Variants in ADGRB3 observed in about 807,000 individuals in gnomAD.
ADGRB3 encodes adhesion G protein-coupled receptor B3.
ADGRB3 carries 37 observed loss-of-function variants against 193.4 expected under a neutral mutation model. The observed-to-expected ratio is 0.19, with a 90% CI of 0.15 to 0.25. The LOEUF is 0.25. Ranked by LOEUF, ADGRB3 falls within the 10% of genes least tolerant of loss-of-function variation. The pLI is 1.00. For missense variants in ADGRB3, 1,637 were observed against 1,852.9 expected (o/e 0.88, Z 2.14); for synonymous variants, 690 against 644.2 (o/e 1.07, Z -1.08).
chr6:69,300,907 C>T (rs1767937467), intron 20 of ADGRB3, among the ~76,000 whole-genome samples: 1 of 151,844 alleles, frequency 6.6e-6, no homozygotes, highest in East Asian at 1.9e-4. Flanking sequence ...TTGAGAAGGA[C>T]ATTCTTGGTT....
At chr6:69,078,430 T>C (rs1562149645) in intron 17 of ADGRB3, among the ~76,000 whole-genome samples, 1 of 152,018 alleles carries the variant, frequency 6.6e-6, no homozygotes, top group African/African-American at 2.4e-5. Context: ...CGTGTATTCA[T>C]TCATAGACAT....
chr6:68,968,097 G>A (rs1460149071), intron 8 of ADGRB3, among the ~76,000 whole-genome samples: 1 of 146,984 alleles, frequency 6.8e-6, no homozygotes, highest in Non-Finnish European at 1.5e-5. Context: ...AAGAGAGGAC[G>A]TTTTATTTTT....
Position 68,635,721 on chromosome 6 carries a change from G to A in ADGRB3, c.-467G>A. On this transcript the variant is annotated 5_prime_UTR_variant, in exon 1 of 32. Coordinates refer to ENST00000370598, the MANE Select transcript of ADGRB3 (RefSeq NM_001704.3). ...CTTCTCCCTCCCTTTAGCCCCCCTC[G>A]GTTTGGAGGTTGGATTCAGTTGGAT... 1 of 152,276 alleles carries A rather than the reference G, an allele frequency of 6.6e-6. No homozygotes were observed. The highest frequency in any genetic ancestry group is 1.5e-5 in the Non-Finnish European group (1 of 68,164). The allele number at this position is 152,276 out of a possible 1,614,324, so 9.4% of individuals were successfully genotyped here.
chr6:68,773,793 AACTTGGGC>A (rs1315365350), intron 3 of ADGRB3, among the ~76,000 whole-genome samples: 1 of 152,132 alleles, frequency 6.6e-6, no homozygotes, highest in Non-Finnish European at 1.5e-5. Flanking sequence ...CTGGAAATAA[AACTTGGGC>A]TCATTACGGT....
chr6:69,322,188 C>CT (rs1168436938), intron 20 of ADGRB3, among the ~76,000 whole-genome samples: 2 of 151,976 alleles, frequency 1.3e-5, no homozygotes, highest in East Asian at 1.9e-4. Flanking sequence ...TGATCTCATT[C>CT]TTTTTTATGG....
At chr6:68,743,075 G>A (rs1369715109) in intron 3 of ADGRB3, among the ~76,000 whole-genome samples, 5 of 151,922 alleles carry the variant, frequency 3.3e-5, no homozygotes, top group Non-Finnish European at 7.4e-5. Context: ...AGCTCTTTCA[G>A]TCTATAGAAT....
chr6:68,688,943 G>A (rs540755011), intron 3 of ADGRB3, among the ~76,000 whole-genome samples: 60 of 152,182 alleles, frequency 3.9e-4, no homozygotes, highest in Non-Finnish European at 7.5e-4. Flanking sequence ...TACTCTGTCA[G>A]ATTATAGATT....
intron 3 of ADGRB3, among the ~76,000 whole-genome samples, chr6:68,734,606 G>A (rs981425551): frequency 6.6e-6 from 1 of 151,994 alleles, no homozygotes; most frequent in Non-Finnish European, 1.5e-5. Context: ...AAAACATTGA[G>A]AAGTATTGTG....
At chr6:68,836,198 C>T (rs1018583959) in intron 3 of ADGRB3, among the ~76,000 whole-genome samples, 1 of 152,026 alleles carries the variant, frequency 6.6e-6, no homozygotes, top group Admixed American at 6.6e-5. Flanking sequence ...CTCCCTGCTA[C>T]CCTTTGATAA....
intron 7 of ADGRB3, 137 bp downstream of exon 7, chr6:68,956,325 G>T: frequency 1.1e-6 from 1 of 928,610 alleles, no homozygotes. Context: ...GTGTGTGTGT[G>T]TGTATACATG....
rs550988847 is a variant in ADGRB3, at chr6:68,959,474, T to C, written c.1525+2665T>C. ...TGTTTATTTTATACTTCACTTAATT[T>C]GGAGTCAAAACAAATTAATCAAGTT... On this transcript the variant is annotated intron_variant, in intron 8 of 31. Transcript: ENST00000370598. Among the ~76,000 whole-genome samples the C allele has an allele frequency of 2.6e-5, 4 of 152,250 alleles. No homozygotes were observed. In the East Asian group the frequency reaches 5.8e-4, roughly 22 times the overall value.
chr6:69,175,786 ATT>A (rs1449594090), intron 17 of ADGRB3, among the ~76,000 whole-genome samples: 1 of 152,112 alleles, frequency 6.6e-6, no homozygotes, highest in African/African-American at 2.4e-5. Flanking sequence ...TGTTTTTTCC[ATT>A]TGTTTGTGTC....
At chr6:68,770,973 A>G (rs559146540) in intron 3 of ADGRB3, among the ~76,000 whole-genome samples, 10 of 152,170 alleles carry the variant, frequency 6.6e-5, no homozygotes, top group African/African-American at 2.4e-4. Context: ...CATTATTATC[A>G]ATTTGGAAAA....
chr6:69,041,320 A>T (rs1172883700), intron 13 of ADGRB3, among the ~76,000 whole-genome samples: 1 of 150,546 alleles, frequency 6.6e-6, no homozygotes, highest in Non-Finnish European at 1.5e-5. Context: ...AGACATAAAG[A>T]TTGTGCTAGG....
intron 10 of ADGRB3, among the ~76,000 whole-genome samples, chr6:68,985,802 C>A (rs1299744951): frequency 6.6e-6 from 1 of 152,052 alleles, no homozygotes; most frequent in Non-Finnish European, 1.5e-5. Context: ...ATCCCTAGAA[C>A]CAGAAAAGTC....
intron 2 of ADGRB3, among the ~76,000 whole-genome samples, chr6:68,637,940 G>A (rs1224733948): frequency 6.6e-6 from 1 of 152,100 alleles, no homozygotes; most frequent in Non-Finnish European, 1.5e-5. Flanking sequence ...TGAACAACAA[G>A]TCTTCCCTAT....
chr6:68,838,241 A>C (rs1408397698), intron 3 of ADGRB3, among the ~76,000 whole-genome samples: 1 of 152,172 alleles, frequency 6.6e-6, no homozygotes, highest in African/African-American at 2.4e-5. Context: ...TCCTCAAATG[A>C]GGAATTAATG....
chr6:68,887,090 CATAT>C (rs1195476636), intron 3 of ADGRB3, among the ~76,000 whole-genome samples: 2 of 151,474 alleles, frequency 1.3e-5, no homozygotes, highest in Non-Finnish European at 2.9e-5. Context: ...CACACACATA[CATAT>C]ATGTGGGTAT....
intron 8 of ADGRB3, among the ~76,000 whole-genome samples, chr6:68,973,704 A>T (rs1768653783): frequency 6.6e-6 from 1 of 152,196 alleles, no homozygotes; most frequent in Non-Finnish European, 1.5e-5. Flanking sequence ...TACAAGTGAT[A>T]CAGAGGTGAG....
Sources: gnomAD v4.1 joint callset for allele counts (sites outside exome capture counted in the v4.1 genomes callset) on GRCh38, gnomAD v4.1.1 for gene constraint, MANE v1.5 for transcripts, NCBI Gene and HGNC (gene_info 2026-07-23, HGNC 2026-07-21) for gene names.